The following ZNF236 variants were observed in gnomAD, a reference collection of about 807,000 sequenced individuals.
ZNF236 encodes regulated by glucose.
Under a neutral mutation model 191.2 loss-of-function variants are expected in ZNF236, and 50 were observed. The observed-to-expected ratio is 0.26, with a 90% CI of 0.21 to 0.33. The LOEUF (loss-of-function observed/expected upper bound fraction) is 0.33. Ranked by LOEUF, ZNF236 falls within the 10% of genes least tolerant of loss-of-function variation. The pLI is 1.00. For synonymous variants in ZNF236, 907 were observed against 928.8 expected, an observed-to-expected ratio of 0.98 and a Z score of 0.43; for missense variants, 1,754 against 2,374.5, an observed-to-expected ratio of 0.74 and a Z score of 5.43.
intron 13 of ZNF236, 95 bp downstream of exon 13, chr18:76,905,510 CATT>C (rs1977713937): frequency 9.2e-7 from 1 of 1,091,336 alleles, no homozygotes; most frequent in East Asian, 2.6e-5. Flanking sequence ...TTGATTCTTA[CATT>C]ATTATTTCTA....
chr18:76,955,074 C>T (rs1968490315), intron 27 of ZNF236, among the ~76,000 whole-genome samples: 1 of 152,134 alleles, frequency 6.6e-6, no homozygotes, highest in Non-Finnish European at 1.5e-5. Flanking sequence ...TTTTGTTAAG[C>T]CATCACATAG....
Position 76,915,616 on chromosome 18 carries a change from C to G in ZNF236, c.3062-31C>G, listed in dbSNP as rs78485080. The G allele has an allele frequency of 5.4e-4, 868 of 1,607,990 alleles. 1 individual carries two copies. The African/African-American group carries it at 0.01, about 19-fold the overall frequency. ...TTAAGGTAGTGAAATAGGATTGGTTCCAGCCGTTTTTTCTGTTTCTGTGCT... is the reference window on the plus strand; with the variant it reads ...TTAAGGTAGTGAAATAGGATTGGTTGCAGCCGTTTTTTCTGTTTCTGTGCT... On this transcript the variant is annotated intron_variant, in intron 18 of 30. Coordinates refer to ENST00000320610, the MANE Select transcript of ZNF236 (RefSeq NM_001306089.2).
rs188396120 is a variant in ZNF236 at position 76,925,601 on chromosome 18, T to C, written c.4027+47T>C. The C allele has an allele frequency of 2.1e-5, 34 of 1,584,020 alleles. No homozygotes were observed. The East Asian group carries it at 4.3e-4, about 20-fold the overall frequency. ...TGAGAGCAGCACAGTGATTGAACTG[T>C]TCTGTGCTGCTTCTGTCTGTTCCCA... On this transcript the variant is annotated intron_variant, in intron 22 of 30. Transcript: ENST00000320610. The surrounding 1 kb of genome is among the most constrained non-coding windows in gnomAD (Gnocchi z 5.7).
chr18:76,831,506 C>G (rs1975167164), intron 1 of ZNF236, among the ~76,000 whole-genome samples: 1 of 152,008 alleles, frequency 6.6e-6, no homozygotes. Flanking sequence ...TATTTGTGTG[C>G]AGGTTTGTGT....
chr18:76,824,862 G>C (rs897440032), intron 1 of ZNF236, among the ~76,000 whole-genome samples: 2 of 152,122 alleles, frequency 1.3e-5, no homozygotes, highest in African/African-American at 2.4e-5. Context: ...CTCCCTCTCC[G>C]GGCTGGAGAG....
intron 19 of ZNF236, among the ~76,000 whole-genome samples, chr18:76,916,880 G>A (rs1014486701): frequency 6.6e-6 from 1 of 152,172 alleles, no homozygotes; most frequent in Non-Finnish European, 1.5e-5. Context: ...GGTCAGACCT[G>A]CTGGTGGCCC....
At chr18:76,964,201 T>A (rs999466219) in intron 30 of ZNF236, among the ~76,000 whole-genome samples, 5 of 152,228 alleles carry the variant, frequency 3.3e-5, no homozygotes, top group African/African-American at 1.2e-4. Flanking sequence ...CATTTAGGGC[T>A]ACGAACTTTC....
chr18:76,845,841 T>A (rs1394735664), intron 1 of ZNF236, among the ~76,000 whole-genome samples: 1 of 150,604 alleles, frequency 6.6e-6, no homozygotes, highest in African/African-American at 2.4e-5. Context: ...AGAGTGAGAC[T>A]CCATCTTAAA....
At position 76,955,978 on chromosome 18, in the gene ZNF236, T is replaced by C. The variant is rs749175826; in HGVS notation, c.4915-7T>C. ...AGTGGAAAGTCACAATTTCTGGCTC[T>C]TTCCAGGTAGCTGGCGTCTCTGGGA... On this transcript the variant is annotated splice_polypyrimidine_tract_variant and splice_region_variant and intron_variant, in intron 27 of 30. Transcript: ENST00000320610. 3.7e-6 allele frequency: 6 copies of C among 1,605,864 alleles called. No homozygotes were observed. The highest frequency in any genetic ancestry group is 5.1e-6 in the Non-Finnish European group (6 of 1,177,566).
chr18:76,961,219 A>G (rs1279226183), intron 30 of ZNF236, among the ~76,000 whole-genome samples: 1 of 151,720 alleles, frequency 6.6e-6, no homozygotes, highest in Non-Finnish European at 1.5e-5. Flanking sequence ...TTGTATCCTC[A>G]TAGCTTAGCT....
chr18:76,849,133 TAA>T (rs1975784352), intron 1 of ZNF236: 1 of 157,252 alleles, frequency 6.4e-6, no homozygotes, highest in Non-Finnish European at 1.4e-5. Flanking sequence ...GATGAAATCT[TAA>T]AGTGATTTGG....
chr18:76,832,889 C>T (rs1975214463), intron 1 of ZNF236, among the ~76,000 whole-genome samples: 1 of 151,814 alleles, frequency 6.6e-6, no homozygotes, highest in African/African-American at 2.4e-5. Context: ...TCCTCGTTAT[C>T]GTCTCTTGGT....
intron 27 of ZNF236, among the ~76,000 whole-genome samples, chr18:76,953,174 A>G (rs941056178): frequency 6.6e-6 from 1 of 152,194 alleles, no homozygotes; most frequent in African/African-American, 2.4e-5. Flanking sequence ...GTCTTTACTA[A>G]AACGAATGAA....
Position 76,871,793 on chromosome 18 carries a change from G to A in ZNF236, c.635G>A (p.Ser212Asn). ...TGTGGAAAGACGTTTCAAAAGCCAA[G>A]CCAGTTAACGCGACACATTAGGATA... The part of the protein sequence containing the change: ...PHCGKTFQKP[S>N]QLTRHIRIHT... The change falls in exon 5 of 31, where the codon AGC (serine) becomes AAC (asparagine). Residue 212 changes from serine (S) to asparagine (N), a missense_variant. Physicochemically the swap from Ser to Asn is conservative, Grantham distance 46. Around this residue, in one of 5 missense-constraint regions of ZNF236, gnomAD observed 336 missense variants for 495.1 expected, o/e 0.68. Transcript: ENST00000320610. 2 of 1,614,192 alleles carry A rather than the reference G, an allele frequency of 1.2e-6. No individual in the cohort carries two copies. The highest frequency in any genetic ancestry group is 8.5e-7 in the Non-Finnish European group (1 of 1,180,048).
intron 10 of ZNF236, among the ~76,000 whole-genome samples, chr18:76,897,076 GACAGGTACTGCCCATAGGGACTGCAC>G: frequency 6.7e-6 from 1 of 148,476 alleles, no homozygotes. Flanking sequence ...TGGTGCTGCA[GACAGGTACTGCCCATAGGGACTGCAC>G]ACAGTACTAC....
In ZNF236 at chr18:76,899,985, A is replaced by G. The variant is rs558079582; in HGVS notation, c.1894+763A>G. Among the ~76,000 whole-genome samples the G allele has an allele frequency of 7.9e-5, 12 of 152,318 alleles. No homozygotes were observed. In the South Asian group the frequency reaches 2.5e-3, roughly 32 times the overall value. On this transcript the variant is annotated intron_variant, in intron 11 of 30. Transcript: ENST00000320610. ...GTGCCTTCTGGCTATGTCCTCCCAA[A>G]GGTCCTACCTCTTACTACATGAATT...
At chr18:76,873,716 G>A (rs1469972388) in intron 5 of ZNF236, among the ~76,000 whole-genome samples, 6 of 152,202 alleles carry the variant, frequency 3.9e-5, no homozygotes, top group Admixed American at 6.5e-5. Flanking sequence ...TTGCAGCATC[G>A]TCATCTAGAA....
Position 76,919,801 on chromosome 18 carries a change from A to G in ZNF236, c.3300A>G (p.Glu1100=), listed in dbSNP as rs540688642. 3 of 1,614,192 alleles carry G rather than the reference A, an allele frequency of 1.9e-6. No individual in the cohort carries two copies. The highest frequency in any genetic ancestry group is 4.5e-5 in the East Asian group (2 of 44,890). The part of the protein sequence containing the change: ...GGDICMEEEE[E]HSDRNASRKS... ...ACATTTGTATGGAGGAAGAGGAAGA[A>G]CATTCTGACAGAAATGCATCACGGA... Residue 1100 remains glutamate, a synonymous_variant, in exon 20 of 31, where the codon GAA becomes GAG. Coordinates refer to ENST00000320610, the MANE Select transcript of ZNF236 (RefSeq NM_001306089.2). This position sits in a 1 kb window ranked among gnomAD's most constrained non-coding sequence, Gnocchi z 5.3.
At chr18:76,954,303 A>G (rs1285324250) in intron 27 of ZNF236, among the ~76,000 whole-genome samples, 3 of 152,230 alleles carry the variant, frequency 2.0e-5, no homozygotes, top group Non-Finnish European at 4.4e-5. Flanking sequence ...CTCACATCTC[A>G]TGAGTAAAAT....
Sources: gnomAD v4.1 joint callset for allele counts (sites outside exome capture counted in the v4.1 genomes callset) on GRCh38, gnomAD v4.1.1 for gene constraint, gnomAD v4.1.1 regional missense constraint, Gnocchi (gnomAD v3.1) non-coding constraint, MANE v1.5 for transcripts, NCBI Gene and HGNC (gene_info 2026-07-23, HGNC 2026-07-21) for gene names.